Variants in ZNF775 observed in about 807,000 individuals in gnomAD.
The protein encoded by ZNF775 is zinc finger protein 775.
A neutral mutation model predicts 2.4 loss-of-function variants in ZNF775; 1 was observed. That is an observed-to-expected ratio of 0.41 (90% CI 0.15 to 1.94). The LOEUF is 1.94. ZNF775 is among the 30% of genes most tolerant of loss of function. The pLI, the probability that ZNF775 is intolerant of heterozygous loss-of-function variation, is 0.30. For synonymous variants in ZNF775, 381 were observed against 373.3 expected (o/e 1.02, Z -0.24); for missense variants, 823 against 826.6 (o/e 1.00, Z 0.05).
chr7:150,393,107 GC>G (rs1411991884), intron 2 of ZNF775, among the ~76,000 whole-genome samples: 1 of 151,202 alleles, frequency 6.6e-6, no homozygotes, highest in African/African-American at 2.4e-5. Flanking sequence ...ATATTTCACT[GC>G]CCCCCAAGTT....
intron 2 of ZNF775, among the ~76,000 whole-genome samples, chr7:150,390,267 T>C (rs1237558560): frequency 6.6e-6 from 1 of 152,016 alleles, no homozygotes; most frequent in Non-Finnish European, 1.5e-5. Context: ...CCACCTCAGC[T>C]CCAGGGCCTC....
At chr7:150,383,468 G>A (rs1002796535) in intron 1 of ZNF775, among the ~76,000 whole-genome samples, 1 of 152,232 alleles carries the variant, frequency 6.6e-6, no homozygotes, top group Non-Finnish European at 1.5e-5. Context: ...AGAGGACTGG[G>A]TGAGGACATA....
chr7:150,391,706 C>CTT lies in ZNF775; in HGVS notation c.31+3225_31+3226dup, dbSNP rs535705895. Among the ~76,000 whole-genome samples the CTT allele has an allele frequency of 4.5e-3, 331 of 73,566 alleles. 4 individuals carry two copies. The highest frequency in any genetic ancestry group is 0.016 in the African/African-American group (297 of 18,476). 48.3% of individuals were successfully genotyped at this position (73,566 alleles called of 152,430 possible). On this transcript the variant is annotated intron_variant, in intron 2 of 2. Coordinates refer to ENST00000329630, the MANE Select transcript of ZNF775 (RefSeq NM_173680.4). ...ATTCCCATTTCTTTTTCCTTTCTTT[C>CTT]TTTTTTTTTTTTTTTTTTTTTGAGA...
At chr7:150,395,063 A>T (rs1800625717) in intron 2 of ZNF775, among the ~76,000 whole-genome samples, 1 of 152,272 alleles carries the variant, frequency 6.6e-6, no homozygotes, top group African/African-American at 2.4e-5. Flanking sequence ...ACCTGTTTAT[A>T]TAGTTACAGA....
At position 150,396,630 on chromosome 7, in the gene ZNF775, G is replaced by A. The variant is rs906034919; in HGVS notation, c.149G>A (p.Gly50Asp). 15 of 1,610,984 alleles carry A rather than the reference G, an allele frequency of 9.3e-6. No homozygotes were observed. Among genetic ancestry groups the A allele is most frequent in the Admixed American group, 1.7e-5 (1 of 59,840 alleles). ...DKENIFQQHR[G>D]LPPRQTMGRP... The stretch of plus-strand genomic sequence containing the variant: ...GAGAACATATTTCAGCAGCACCGGG[G>A]CCTCCCGCCACGCCAGACCATGGGG... The change falls in exon 3 of 3, where the codon GGC (glycine) becomes GAC (aspartate). Residue 50 changes from glycine (G) to aspartate (D), a missense_variant. Transcript: ENST00000329630.
chr7:150,393,831 G>A (rs954726651), intron 2 of ZNF775, among the ~76,000 whole-genome samples: 21 of 152,084 alleles, frequency 1.4e-4, no homozygotes, highest in Non-Finnish European at 7.4e-5. Context: ...ATCACACCCA[G>A]CTAATTTTTT....
chr7:150,388,342 A>C, intron 1 of ZNF775, 80 bp from the exon 2 acceptor site: 3 of 1,078,376 alleles, frequency 2.8e-6, no homozygotes, highest in Non-Finnish European at 2.7e-6. Context: ...GCTTTATGGG[A>C]TGGGAGGGGG....
intron 1 of ZNF775, among the ~76,000 whole-genome samples, chr7:150,385,798 A>G (rs1800441627): frequency 4.6e-5 from 7 of 152,146 alleles, no homozygotes; most frequent in Admixed American, 4.6e-4. Flanking sequence ...GACAGGAGAT[A>G]GTTTTGTGAT....
chr7:150,397,032 C>G lies in ZNF775; in HGVS notation c.551C>G (p.Thr184Ser). 1.9e-6 allele frequency: 3 copies of G among 1,597,792 alleles called. No individual in the cohort carries two copies. The highest frequency in any genetic ancestry group is 2.5e-6 in the Non-Finnish European group (3 of 1,178,424). The change falls in exon 3 of 3, where the codon ACC becomes AGC. Residue 184 changes from threonine (T) to serine (S), a missense_variant. Physicochemically the swap from Thr to Ser is moderately conservative, Grantham distance 58. Coordinates refer to ENST00000329630, the MANE Select transcript of ZNF775 (RefSeq NM_173680.4). ...QKQHLLKHQK[T>S]HSRPATHSCP... ...CAGCACCTGCTCAAGCACCAGAAGACCCACTCCCGGCCCGCCACCCACTCG... is the reference window on the plus strand; with the variant it reads ...CAGCACCTGCTCAAGCACCAGAAGAGCCACTCCCGGCCCGCCACCCACTCG...
chr7:150,379,491 TG>T (rs1800322723), intron 1 of ZNF775, 99 bp downstream of exon 1: 1 of 151,998 alleles, frequency 6.6e-6, no homozygotes, highest in South Asian at 2.1e-4. Context: ...GCTCCTCCCG[TG>T]CTGCCTCCGC....
rs1800374324 is a variant in ZNF775, at chr7:150,382,111, C to T, written c.-50+2719C>T. On this transcript the variant is annotated intron_variant, in intron 1 of 2. Coordinates refer to ENST00000329630, the MANE Select transcript of ZNF775 (RefSeq NM_173680.4). The surrounding 1 kb of genome is among the most constrained non-coding windows in gnomAD (Gnocchi z 4.6). ...CCACCCTGGTAAGTGGAGGGCTCTG[C>T]AGACAGTGCCACAACCAGAGCCGTG... Among the ~76,000 whole-genome samples, 1 of 152,070 alleles carries T rather than the reference C, an allele frequency of 6.6e-6. No homozygotes were observed. Among genetic ancestry groups the T allele is most frequent in the South Asian group, 2.1e-4 (1 of 4,822 alleles).
chr7:150,385,366 A>G (rs1226979604), intron 1 of ZNF775, among the ~76,000 whole-genome samples: 1 of 152,244 alleles, frequency 6.6e-6, no homozygotes, highest in Non-Finnish European at 1.5e-5. Flanking sequence ...GCATGAAACC[A>G]GAATGTGGTG....
At chr7:150,381,132 G>A (rs1018444853) in intron 1 of ZNF775, among the ~76,000 whole-genome samples, 3 of 151,908 alleles carry the variant, frequency 2.0e-5, no homozygotes, top group East Asian at 3.9e-4. Flanking sequence ...GCCGAGGAAT[G>A]TAAGTGCAGC....
chr7:150,396,714 C>T lies in ZNF775; in HGVS notation c.233C>T (p.Thr78Ile). The change falls in exon 3 of 3, where the codon ACT becomes ATT. Residue 78 changes from threonine to isoleucine, a missense_variant. By Grantham distance (89) the Thr-to-Ile change is moderately conservative. Transcript: ENST00000329630. ...GGGAGTCCAAGGTGGGCCCCTCCCACTGAGCAGGATGCGGGGCTGGCAGGC... is the reference window on the plus strand; with the variant it reads ...GGGAGTCCAAGGTGGGCCCCTCCCATTGAGCAGGATGCGGGGCTGGCAGGC... ...ESGSPRWAPP[T>I]EQDAGLAGRA... 1 of 1,600,634 alleles carries T rather than the reference C, an allele frequency of 6.2e-7. No homozygotes were observed. Among genetic ancestry groups the T allele is most frequent in the Non-Finnish European group, 8.5e-7 (1 of 1,174,278 alleles).
intron 2 of ZNF775, among the ~76,000 whole-genome samples, chr7:150,395,204 T>C (rs962479207): frequency 2.6e-5 from 4 of 152,196 alleles, no homozygotes; most frequent in Admixed American, 2.6e-4. Context: ...TTCTATTTCA[T>C]ATAGATTTTC....
chr7:150,396,573 C>T lies in ZNF775; in HGVS notation c.92C>T (p.Ala31Val). 6.2e-7 allele frequency: 1 copy of T among 1,605,778 alleles called. No individual in the cohort carries two copies. Among genetic ancestry groups the T allele is most frequent in the Non-Finnish European group, 8.5e-7 (1 of 1,177,740 alleles). ...EKPERLLQTLAPQAMLVEKDK... is the reference protein window; with the variant it reads ...EKPERLLQTLVPQAMLVEKDK... ...CCGGAGCGGCTGCTGCAGACGCTGG[C>T]GCCGCAGGCCATGCTTGTGGAGAAG... is the stretch of plus-strand genomic sequence containing the variant. Residue 31 changes from alanine to valine, a missense_variant, in exon 3 of 3, where the codon GCG becomes GTG. Ala to Val is a moderately conservative substitution (Grantham distance 64). Transcript: ENST00000329630.
chr7:150,394,274 C>A (rs1335786406), intron 2 of ZNF775, among the ~76,000 whole-genome samples: 1 of 152,008 alleles, frequency 6.6e-6, no homozygotes, highest in Non-Finnish European at 1.5e-5. Context: ...TTCCTAGTTA[C>A]TTGTATTGCC....
At chr7:150,388,086 G>A (rs1428996039) in intron 1 of ZNF775, among the ~76,000 whole-genome samples, 2 of 152,116 alleles carry the variant, frequency 1.3e-5, no homozygotes, top group Admixed American at 6.5e-5. Context: ...ATCACATGCC[G>A]CCCTGCGAAT....
chr7:150,383,459 G>A (rs905971513), intron 1 of ZNF775, among the ~76,000 whole-genome samples: 2 of 152,234 alleles, frequency 1.3e-5, no homozygotes, highest in African/African-American at 4.8e-5. Flanking sequence ...CACAGGGAGA[G>A]AGGACTGGGT....
Sources: gnomAD v4.1 joint callset for allele counts (sites outside exome capture counted in the v4.1 genomes callset) on GRCh38, gnomAD v4.1.1 for gene constraint, Gnocchi (gnomAD v3.1) non-coding constraint, MANE v1.5 for transcripts, NCBI Gene and HGNC (gene_info 2026-07-23, HGNC 2026-07-21) for gene names.